The following PRDM11 variants were observed in gnomAD, a reference collection of about 807,000 sequenced individuals.
PRDM11 encodes the protein PR/SET domain 11, also known as PR domain-containing protein 11.
A neutral mutation model predicts 97.8 loss-of-function variants in PRDM11; 20 were observed. That is an observed-to-expected ratio of 0.20 (90% CI 0.14 to 0.30). The LOEUF is 0.30. PRDM11 is among the 10% of genes least tolerant of loss of function. PRDM11 has a pLI of 1.00. For synonymous variants in PRDM11, 599 were observed against 637.7 expected (o/e 0.94, Z 0.91); for missense variants, 1,139 against 1,555.2 (o/e 0.73, Z 4.50).
At chr11:45,211,649 C>G (rs1452620243) in intron 5 of PRDM11, among the ~76,000 whole-genome samples, 2 of 152,198 alleles carry the variant, frequency 1.3e-5, no homozygotes. Context: ...GTTTCTTCAG[C>G]CTGTCAGCAT....
intron 4 of PRDM11, among the ~76,000 whole-genome samples, chr11:45,201,691 G>A (rs1853331774): frequency 3.9e-5 from 6 of 152,118 alleles, no homozygotes; most frequent in Admixed American, 3.9e-4. Context: ...AGAGAGGCTG[G>A]GCGCAGTGGC....
At chr11:45,172,890 C>G (rs879493997) in intron 1 of PRDM11, among the ~76,000 whole-genome samples, 17 of 152,156 alleles carry the variant, frequency 1.1e-4, no homozygotes, top group Admixed American at 1.1e-3. Context: ...CTTGTCCTAC[C>G]ACCCTGTCCC....
intron 1 of PRDM11, among the ~76,000 whole-genome samples, chr11:45,102,262 C>A (rs59175976): frequency 7.7e-5 from 2 of 26,072 alleles, no homozygotes; most frequent in Non-Finnish European, 1.8e-4. Flanking sequence ...AAGAAGAAGG[C>A]GTTCAGGGCT....
chr11:45,226,722 C>G lies in PRDM11; in HGVS notation c.2097C>G (p.Phe699Leu). Residue 699 changes from phenylalanine (F) to leucine (L), a missense_variant, in exon 8 of 8, where the codon TTC (phenylalanine) becomes TTG (leucine). Around this residue, in one of 2 missense-constraint regions of PRDM11, gnomAD observed 710 missense variants for 1,044.9 expected, o/e 0.68. Transcript: ENST00000683152. ...TCCTGTCCCTGCAGGAGCTGGGATT[C>G]TCTAGCACAGAAAGCTATCTCCAGG... ...TEFLSLQELGFSSTESYLQAL... is the reference protein window; with the variant it reads ...TEFLSLQELGLSSTESYLQAL... 6.5e-7 allele frequency: 1 copy of G among 1,533,998 alleles called. No individual in the cohort carries two copies. Among genetic ancestry groups the G allele is most frequent in the Non-Finnish European group, 8.7e-7 (1 of 1,146,736 alleles).
chr11:45,139,877 T>A (rs896711173), intron 1 of PRDM11, among the ~76,000 whole-genome samples: 2 of 152,106 alleles, frequency 1.3e-5, no homozygotes, highest in Non-Finnish European at 1.5e-5. Flanking sequence ...GTTTTAGAAA[T>A]GGAGGGATGA....
chr11:45,171,183 T>C (rs1852194131), intron 1 of PRDM11, among the ~76,000 whole-genome samples: 1 of 152,012 alleles, frequency 6.6e-6, no homozygotes, highest in African/African-American at 2.4e-5. Flanking sequence ...CACTGCAACC[T>C]CCACCTCCTG....
At chr11:45,209,966 C>A (rs1220321148) in intron 5 of PRDM11, among the ~76,000 whole-genome samples, 1 of 152,086 alleles carries the variant, frequency 6.6e-6, no homozygotes, top group Non-Finnish European at 1.5e-5. Context: ...GGGAGGCGCG[C>A]AGGCAGAGAA....
At chr11:45,159,933 T>C (rs555537397) in intron 1 of PRDM11, among the ~76,000 whole-genome samples, 23 of 152,292 alleles carry the variant, frequency 1.5e-4, no homozygotes, top group African/African-American at 4.8e-4. Context: ...TGGGGGAAGA[T>C]GGCTGGGGCA....
chr11:45,138,801 A>T (rs1295918679), intron 1 of PRDM11, among the ~76,000 whole-genome samples: 1 of 152,236 alleles, frequency 6.6e-6, no homozygotes, highest in Non-Finnish European at 1.5e-5. Flanking sequence ...TATACTGAAG[A>T]AGGCCTTTCT....
intron 1 of PRDM11, among the ~76,000 whole-genome samples, chr11:45,158,088 G>C (rs953417694): frequency 6.6e-6 from 1 of 152,220 alleles, no homozygotes; most frequent in East Asian, 1.9e-4. Flanking sequence ...TTGAGGTAGC[G>C]AGGGAAAAGT....
At position 45,137,463 on chromosome 11, in the gene PRDM11, A is replaced by T. The variant is rs567717639; in HGVS notation, c.96+41562A>T. Among the ~76,000 whole-genome samples, 7 of 152,078 alleles carry T rather than the reference A, an allele frequency of 4.6e-5. No homozygotes were observed. In the South Asian group the frequency reaches 1.5e-3, roughly 32 times the overall value. ...AAAGAAAAAAGAAAAGAAAACACAGATGGGAGGCTGGGTGTGGCGGCTCAT... is the reference window on the plus strand; with the variant it reads ...AAAGAAAAAAGAAAAGAAAACACAGTTGGGAGGCTGGGTGTGGCGGCTCAT... On this transcript the variant is annotated intron_variant, in intron 1 of 6. Coordinates refer to the PRDM11 transcript ENST00000530656.
intron 1 of PRDM11, among the ~76,000 whole-genome samples, chr11:45,173,288 T>C (rs566396233): frequency 1.3e-5 from 2 of 152,036 alleles, no homozygotes; most frequent in African/African-American, 2.4e-5. Flanking sequence ...ACGGATACCA[T>C]AGAAGCCACC....
Position 45,219,514 on chromosome 11 carries a change from C to A in PRDM11, c.555-56C>A. On this transcript the variant is annotated intron_variant, in intron 5 of 7. Transcript: ENST00000683152. The surrounding 1 kb of genome is among the most constrained non-coding windows in gnomAD (Gnocchi z 4.2). ...TTGCCCAGCACTGTGCCGGCACCAGCGGGCACTCAACAAAGGGTGGCCCGT... is the reference window on the plus strand; with the variant it reads ...TTGCCCAGCACTGTGCCGGCACCAGAGGGCACTCAACAAAGGGTGGCCCGT... 1 of 1,497,970 alleles carries A rather than the reference C, an allele frequency of 6.7e-7. No homozygotes were observed. Among genetic ancestry groups the A allele is most frequent in the Non-Finnish European group, 9.2e-7 (1 of 1,092,828 alleles). The allele number at this position is 1,497,970 out of a possible 1,614,324, so 92.8% of individuals were successfully genotyped here.
At chr11:45,151,366 A>T (rs11038332) in intron 1 of PRDM11, among the ~76,000 whole-genome samples, 69,243 of 152,220 alleles carry the variant, frequency 0.45, 18,059 homozygotes, top group Non-Finnish European at 0.59. Context: ...GTTGTTTTCT[A>T]AAAAGCCTGT....
intron 1 of PRDM11, among the ~76,000 whole-genome samples, chr11:45,100,659 A>G (rs965341029): frequency 6.6e-6 from 1 of 152,232 alleles, no homozygotes; most frequent in South Asian, 2.1e-4. Context: ...TTGCATACCC[A>G]TCAGCCAGTC....
intron 4 of PRDM11, among the ~76,000 whole-genome samples, chr11:45,202,143 G>GAGCCTTTTAA (rs1379365975): frequency 6.6e-6 from 1 of 152,130 alleles, no homozygotes; most frequent in East Asian, 1.9e-4. Flanking sequence ...TTACTTAAAA[G>GAGCCTTTTAA]GCTCTTTTTC....
At chr11:45,141,459 G>T (rs1851402997) in intron 1 of PRDM11, among the ~76,000 whole-genome samples, 1 of 152,208 alleles carries the variant, frequency 6.6e-6, no homozygotes, top group Non-Finnish European at 1.5e-5. Flanking sequence ...ACTGTCTTCA[G>T]CTGCTAAGTT....
At chr11:45,148,996 G>C (rs1249385213) in intron 1 of PRDM11, among the ~76,000 whole-genome samples, 1 of 152,082 alleles carries the variant, frequency 6.6e-6, no homozygotes, top group Non-Finnish European at 1.5e-5. Flanking sequence ...TACTCTTTAA[G>C]GCAGAAGCCT....
chr11:45,221,965 G>C (rs1854133379), intron 6 of PRDM11, among the ~76,000 whole-genome samples: 1 of 152,174 alleles, frequency 6.6e-6, no homozygotes, highest in Non-Finnish European at 1.5e-5. Context: ...GTCTTATATA[G>C]AAGGAGGTTT....
Sources: gnomAD v4.1 joint callset for allele counts (sites outside exome capture counted in the v4.1 genomes callset) on GRCh38, gnomAD v4.1.1 for gene constraint, gnomAD v4.1.1 regional missense constraint, Gnocchi (gnomAD v3.1) non-coding constraint, MANE v1.5 for transcripts, NCBI Gene and HGNC (gene_info 2026-07-23, HGNC 2026-07-21) for gene names.